Variants in RGS7 observed in about 807,000 individuals in gnomAD.
RGS7 encodes the protein regulator of G protein signaling 7.
RGS7 carries 27 observed loss-of-function variants against 81.1 expected under a neutral mutation model. The observed-to-expected ratio is 0.33, with a 90% CI of 0.25 to 0.46. RGS7 has a LOEUF of 0.46. Among genes scored for constraint, RGS7 ranks in the 20% least tolerant of loss-of-function variants. The probability of loss-of-function intolerance (pLI) is 1.00; values close to 1 mark genes in which losing one functional copy is unlikely to be tolerated. For synonymous variants in RGS7, 208 were observed against 207.7 expected (o/e 1.00, Z -0.01); for missense variants, 396 against 607.4 (o/e 0.65, Z 3.66).
intron 5 of RGS7, among the ~76,000 whole-genome samples, chr1:240,932,948 A>T (rs1160414424): frequency 2.8e-5 from 3 of 108,330 alleles, no homozygotes; most frequent in Non-Finnish European, 5.1e-5. Flanking sequence ...CAGTGGCGCG[A>T]TCTCGGCTCA....
intron 2 of RGS7, among the ~76,000 whole-genome samples, chr1:241,232,980 T>C (rs1387898210): frequency 1.3e-5 from 2 of 152,054 alleles, no homozygotes; most frequent in Non-Finnish European, 2.9e-5. Flanking sequence ...TTGGCTTATA[T>C]AAAAAAAATC....
rs368269120 is a variant in RGS7, at chr1:241,285,060, C to A, written c.78+70639G>T. On this transcript the variant is annotated intron_variant, in intron 2 of 18. Coordinates refer to ENST00000440928, the MANE Select transcript of RGS7 (RefSeq NM_001364886.1). ...TAATTTTTTATATTTTTAGTAGAGA[C>A]GGGGTTTCACCATATTTGCCAGGAT... is the stretch of plus-strand genomic sequence containing the variant. Among the ~76,000 whole-genome samples, 228 of 152,052 alleles carry A rather than the reference C, an allele frequency of 1.5e-3. 2 individuals carry two copies. Among genetic ancestry groups the A allele is most frequent in the African/African-American group, 5.0e-3 (208 of 41,464 alleles).
At chr1:241,293,711 T>G (rs531269081) in intron 2 of RGS7, among the ~76,000 whole-genome samples, 135 of 152,318 alleles carry the variant, frequency 8.9e-4, no homozygotes, top group Middle Eastern at 3.4e-3. Flanking sequence ...CACTGGTCAT[T>G]AGAGAAATGC....
At chr1:241,186,040 T>G (rs2072065889) in intron 2 of RGS7, among the ~76,000 whole-genome samples, 1 of 152,132 alleles carries the variant, frequency 6.6e-6, no homozygotes, top group South Asian at 2.1e-4. Context: ...AATCTGGTTC[T>G]GAGAAACAAA....
chr1:241,079,889 A>G (rs2063038272), intron 3 of RGS7, among the ~76,000 whole-genome samples: 2 of 152,186 alleles, frequency 1.3e-5, no homozygotes, highest in South Asian at 4.1e-4. Context: ...ATTTAAAAAA[A>G]TAACTCACCA....
At chr1:241,320,993 T>C (rs779366495) in intron 2 of RGS7, among the ~76,000 whole-genome samples, 3 of 152,096 alleles carry the variant, frequency 2.0e-5, no homozygotes, top group South Asian at 2.1e-4. Flanking sequence ...AATAACAAAA[T>C]CTGCTGTTAT....
rs1433690559 is a variant in RGS7 at position 241,068,257 on chromosome 1, T to TATATATATATAAAA, written c.175+30408_175+30409insTTTTATATATATAT. On this transcript the variant is annotated intron_variant, in intron 3 of 18. Coordinates refer to ENST00000440928, the MANE Select transcript of RGS7 (RefSeq NM_001364886.1). ...GTGTGTGTATATATATATATATATA[T>TATATATATATAAAA]AAAATATTGTGTATATATAATATTA... Among the ~76,000 whole-genome samples, 60 of 73,266 alleles carry TATATATATATAAAA rather than the reference T, an allele frequency of 8.2e-4. 1 individual carries two copies. Among genetic ancestry groups the TATATATATATAAAA allele is most frequent in the Middle Eastern group, 7.1e-3 (1 of 140 alleles). The allele number at this position is 73,266 out of a possible 152,430, so 48.1% of individuals were successfully genotyped here.
chr1:241,136,970 C>T (rs1360962980), intron 2 of RGS7, among the ~76,000 whole-genome samples: 3 of 152,144 alleles, frequency 2.0e-5, no homozygotes, highest in Non-Finnish European at 2.9e-5. Flanking sequence ...CCTACTGAAG[C>T]AAACGCAAAA....
At chr1:241,095,855 A>T (rs984071374) in intron 3 of RGS7, among the ~76,000 whole-genome samples, 17 of 152,246 alleles carry the variant, frequency 1.1e-4, no homozygotes, top group Admixed American at 2.6e-4. Flanking sequence ...ACGGTGGCAT[A>T]GAACACTGGA....
chr1:241,238,992 A>G (rs1301368892), intron 2 of RGS7, among the ~76,000 whole-genome samples: 2 of 122,210 alleles, frequency 1.6e-5, no homozygotes, highest in African/African-American at 6.4e-5. Flanking sequence ...TTTTTGAGAT[A>G]CAGTCTCGCT....
At chr1:240,836,545 T>C (rs1327262476) in intron 9 of RGS7, among the ~76,000 whole-genome samples, 1 of 152,160 alleles carries the variant, frequency 6.6e-6, no homozygotes, top group Non-Finnish European at 1.5e-5. Flanking sequence ...ATGACTCCCA[T>C]GCCATCTGCT....
chr1:240,932,239 A>G (rs978263385), intron 5 of RGS7, among the ~76,000 whole-genome samples: 1 of 152,170 alleles, frequency 6.6e-6, no homozygotes, highest in Non-Finnish European at 1.5e-5. Context: ...TGGGAATTAC[A>G]GTAGTAAAAT....
intron 18 of RGS7, among the ~76,000 whole-genome samples, chr1:240,793,664 C>A (rs1686489654): frequency 7.3e-6 from 1 of 136,654 alleles, no homozygotes; most frequent in Non-Finnish European, 1.5e-5. Flanking sequence ...GGCTGGAGGG[C>A]AGTGGCATGA....
At chr1:241,001,920 T>A (rs1421146405) in intron 3 of RGS7, among the ~76,000 whole-genome samples, 1 of 152,020 alleles carries the variant, frequency 6.6e-6, no homozygotes, top group Non-Finnish European at 1.5e-5. Flanking sequence ...ATGGCCCCTG[T>A]GTGATAATGA....
At chr1:241,306,613 T>C (rs1275883507) in intron 2 of RGS7, among the ~76,000 whole-genome samples, 1 of 150,818 alleles carries the variant, frequency 6.6e-6, no homozygotes, top group African/African-American at 2.4e-5. Context: ...CACAGGCATA[T>C]ATACGCACAT....
At chr1:240,895,114 C>G (rs1377936011) in intron 6 of RGS7, among the ~76,000 whole-genome samples, 2 of 152,050 alleles carry the variant, frequency 1.3e-5, no homozygotes, top group African/African-American at 2.4e-5. Context: ...CCCTCTTGCT[C>G]CTGCACTATG....
chr1:241,162,222 G>GCGCCCCCCCCCGCCCC (rs68166816), intron 2 of RGS7, among the ~76,000 whole-genome samples: 26 of 142,140 alleles, frequency 1.8e-4, no homozygotes, highest in Non-Finnish European at 2.9e-4. Context: ...CTGGTGATCA[G>GCGCCCCCCCCCGCCCC]CTTCCAAATA....
At chr1:240,884,754 C>G (rs1424947642) in intron 6 of RGS7, among the ~76,000 whole-genome samples, 1 of 152,170 alleles carries the variant, frequency 6.6e-6, no homozygotes, top group African/African-American at 2.4e-5. Flanking sequence ...CAAAATTCAA[C>G]TTAAGATGGA....
chr1:241,262,161 G>A (rs1558249116), intron 2 of RGS7, among the ~76,000 whole-genome samples: 2 of 152,180 alleles, frequency 1.3e-5, no homozygotes, highest in South Asian at 4.2e-4. Flanking sequence ...AGGTCTTGGC[G>A]ATTCACAGTG....
Sources: gnomAD v4.1 joint callset for allele counts (sites outside exome capture counted in the v4.1 genomes callset) on GRCh38, gnomAD v4.1.1 for gene constraint, MANE v1.5 for transcripts, NCBI Gene and HGNC (gene_info 2026-07-23, HGNC 2026-07-21) for gene names.